Variants in JHY observed in about 807,000 individuals in gnomAD.
JHY encodes jhy protein homolog.
A neutral mutation model predicts 78.0 loss-of-function variants in JHY; 69 were observed. That is an observed-to-expected ratio of 0.88 (90% confidence interval 0.73 to 1.08). The LOEUF is 1.08. Among genes scored for constraint, JHY ranks in the 50% least tolerant of loss-of-function variants. The pLI, the probability that JHY is intolerant of heterozygous loss-of-function variation, is 0.00. For missense variants in JHY, 944 were observed against 927.8 expected (o/e 1.02, Z -0.23); for synonymous variants, 368 against 342.6 (o/e 1.07, Z -0.82).
At chr11:122,942,242 C>T (rs372256284) in intron 5 of JHY, among the ~76,000 whole-genome samples, 9 of 152,236 alleles carry the variant, frequency 5.9e-5, no homozygotes, top group African/African-American at 1.9e-4. Context: ...TTTATTTGTG[C>T]TTTCTCTCTC....
chr11:122,904,118 C>CA lies in JHY; in HGVS notation c.539dup (p.Lys181GlufsTer13). ...GGAACTCTCCGGGGGAAAAGGCGAGCAGAAAGAGAGTCCACAGAGTGCAGC... is the reference window on the plus strand; with the variant it reads ...GGAACTCTCCGGGGGAAAAGGCGAGCAAGAAAGAGAGTCCACAGAGTGCAGC... On this transcript the variant is annotated frameshift_variant, in exon 3 of 9. Coordinates refer to ENST00000227349, the MANE Select transcript of JHY (RefSeq NM_024806.4). LOFTEE classifies it high-confidence loss of function. 1 of 1,614,114 alleles carries CA rather than the reference C, an allele frequency of 6.2e-7. No homozygotes were observed. The highest frequency in any genetic ancestry group is 8.5e-7 in the Non-Finnish European group (1 of 1,180,030).
intron 6 of JHY, among the ~76,000 whole-genome samples, chr11:122,954,667 C>T (rs1864154917): frequency 6.6e-6 from 1 of 152,154 alleles, no homozygotes; most frequent in Admixed American, 6.6e-5. Flanking sequence ...CCTGTAATCC[C>T]AGCACTTTGG....
At chr11:122,894,924 A>C (rs1280448437) in intron 2 of JHY, among the ~76,000 whole-genome samples, 1 of 152,246 alleles carries the variant, frequency 6.6e-6, no homozygotes, top group African/African-American at 2.4e-5. Flanking sequence ...TTTTAGCAGA[A>C]TAAATGCCTG....
chr11:122,946,499 A>C lies in JHY; in HGVS notation c.1636A>C (p.Lys546Gln). Residue 546 changes from lysine to glutamine, a missense_variant and splice_region_variant, in exon 6 of 9, where the codon AAA becomes CAA. By Grantham distance (53) the Lys-to-Gln change is moderately conservative. Transcript: ENST00000227349. ...TKYRNLEMLW[K>Q]FHSSSDSQTV... Reference sequence around the variant, plus strand: ...TGTGCCTTTTTTTTTTTCATTAAGGAAATTCCATTCTTCTTCTGACAGCCA... The same window carrying C: ...TGTGCCTTTTTTTTTTTCATTAAGGCAATTCCATTCTTCTTCTGACAGCCA... 1 of 1,562,030 alleles carries C rather than the reference A, an allele frequency of 6.4e-7. No individual in the cohort carries two copies. Among genetic ancestry groups the C allele is most frequent in the Non-Finnish European group, 8.6e-7 (1 of 1,158,276 alleles).
intron 5 of JHY, among the ~76,000 whole-genome samples, chr11:122,937,713 A>G (rs1334334985): frequency 6.6e-6 from 1 of 152,018 alleles, no homozygotes; most frequent in East Asian, 1.9e-4. Flanking sequence ...CCATGCCCTC[A>G]TGGAGACCCT....
intron 3 of JHY, among the ~76,000 whole-genome samples, chr11:122,906,300 G>A (rs1270886786): frequency 6.6e-6 from 1 of 152,084 alleles, no homozygotes; most frequent in Admixed American, 6.5e-5. Flanking sequence ...CAATCCTCCT[G>A]CCTCAGCCTC....
At chr11:122,915,208 G>C (rs1289337402) in intron 3 of JHY, among the ~76,000 whole-genome samples, 1 of 152,172 alleles carries the variant, frequency 6.6e-6, no homozygotes, top group Admixed American at 6.5e-5. Context: ...CTGTAGTAAA[G>C]TAAAAAGCTA....
At chr11:122,909,232 CA>C (rs1241168543) in intron 3 of JHY, among the ~76,000 whole-genome samples, 2 of 152,120 alleles carry the variant, frequency 1.3e-5, no homozygotes, top group Non-Finnish European at 2.9e-5. Context: ...ACCCTGTGGG[CA>C]AAAAATACGG....
rs542050567 is a variant in JHY at position 122,960,954 on chromosome 11, C to T, written c.*1509C>T. ...TCATATATCTGTGCAGAACATGATGCGTTGAAAGGAACAAGAGCACATGAT... is the reference window on the plus strand; with the variant it reads ...TCATATATCTGTGCAGAACATGATGTGTTGAAAGGAACAAGAGCACATGAT... On this transcript the variant is annotated 3_prime_UTR_variant, in exon 9 of 9. Transcript: ENST00000227349. 1.5e-5 allele frequency: 11 copies of T among 732,910 alleles called. No individual in the cohort carries two copies. Among genetic ancestry groups the T allele is most frequent in the South Asian group, 5.4e-5 (4 of 74,066 alleles). 45.4% of individuals were successfully genotyped at this position (732,910 alleles called of 1,614,324 possible).
intron 6 of JHY, 32 bp from the exon 7 acceptor site, chr11:122,956,464 A>G: frequency 6.2e-7 from 1 of 1,606,286 alleles, no homozygotes; most frequent in Middle Eastern, 1.7e-4. Flanking sequence ...ACAAGTCCTT[A>G]AAAGAAACTG....
chr11:122,913,733 TCTC>T (rs1441545044), intron 3 of JHY, among the ~76,000 whole-genome samples: 4 of 152,082 alleles, frequency 2.6e-5, no homozygotes, highest in Non-Finnish European at 5.9e-5. Flanking sequence ...TTCCTGAACA[TCTC>T]CTGCAGAACC....
rs1304860382 is a variant in JHY, at chr11:122,961,221, T to C, written c.*1776T>C. 1 of 456,640 alleles carries C rather than the reference T, an allele frequency of 2.2e-6. No individual in the cohort carries two copies. Among genetic ancestry groups the C allele is most frequent in the Non-Finnish European group, 4.1e-6 (1 of 241,938 alleles). The allele number at this position is 456,640 out of a possible 1,614,324, so 28.3% of individuals were successfully genotyped here. Reference sequence around the variant, plus strand: ...ATATCTCCTAAAAATGAAACATTTGTTCCCTATACTGAGAGAACTCAATCT... The same window carrying C: ...ATATCTCCTAAAAATGAAACATTTGCTCCCTATACTGAGAGAACTCAATCT... On this transcript the variant is annotated 3_prime_UTR_variant, in exon 9 of 9. Coordinates refer to ENST00000227349, the MANE Select transcript of JHY (RefSeq NM_024806.4).
intron 3 of JHY, among the ~76,000 whole-genome samples, chr11:122,916,841 G>C (rs1863244696): frequency 6.6e-6 from 1 of 151,986 alleles, no homozygotes; most frequent in South Asian, 2.1e-4. Flanking sequence ...GTTTCGCCCG[G>C]CTGCTTTCAA....
At chr11:122,888,209 G>T (rs1442154200) in intron 2 of JHY, among the ~76,000 whole-genome samples, 1 of 152,182 alleles carries the variant, frequency 6.6e-6, no homozygotes, top group Non-Finnish European at 1.5e-5. Flanking sequence ...ATAGGACTAG[G>T]CTGGGAAAGC....
intron 3 of JHY, among the ~76,000 whole-genome samples, chr11:122,919,352 C>CAAA (rs72233254): frequency 3.6e-3 from 250 of 68,878 alleles, no homozygotes; most frequent in Middle Eastern, 0.016. Flanking sequence ...GACTCTGTCT[C>CAAA]AAAAAAAAAA....
chr11:122,954,744 C>T (rs1864155857), intron 6 of JHY, among the ~76,000 whole-genome samples: 1 of 152,152 alleles, frequency 6.6e-6, no homozygotes, highest in African/African-American at 2.4e-5. Flanking sequence ...ATGGTGAAAC[C>T]CCATCTCTAC....
At position 122,961,200 on chromosome 11, in the gene JHY, C is replaced by G. The variant is rs1864306908; in HGVS notation, c.*1755C>G. 2 of 483,542 alleles carry G rather than the reference C, an allele frequency of 4.1e-6. No homozygotes were observed. The highest frequency in any genetic ancestry group is 3.7e-5 in the East Asian group (1 of 27,082). The allele number at this position is 483,542 out of a possible 1,614,324, so 30.0% of individuals were successfully genotyped here. On this transcript the variant is annotated 3_prime_UTR_variant, in exon 9 of 9. Transcript: ENST00000227349. ...CTCTACTGAAGTAGATAGTTTATAT[C>G]TCCTAAAAATGAAACATTTGTTCCC... is the stretch of plus-strand genomic sequence containing the variant.
At chr11:122,932,029 G>A (rs1410455570) in intron 4 of JHY, among the ~76,000 whole-genome samples, 2 of 152,184 alleles carry the variant, frequency 1.3e-5, no homozygotes, top group Admixed American at 6.5e-5. Context: ...GCGACTGCGG[G>A]TGTTGGTAAC....
chr11:122,935,217 T>G lies in JHY; in HGVS notation c.1634+142T>G. ...GTTCACCTAACAACTTCCTTAGCTC[T>G]GATTCCTGCCTCAAAGAGTCCACTT... On this transcript the variant is annotated intron_variant, in intron 5 of 8. Coordinates refer to ENST00000227349, the MANE Select transcript of JHY (RefSeq NM_024806.4). The surrounding 1 kb of genome is among the most constrained non-coding windows in gnomAD (Gnocchi z 4.5). 1.5e-6 allele frequency: 1 copy of G among 680,758 alleles called. No homozygotes were observed. The highest frequency in any genetic ancestry group is 2.3e-6 in the Non-Finnish European group (1 of 436,612). 42.2% of individuals were successfully genotyped at this position (680,758 alleles called of 1,614,324 possible).
Sources: allele counts gnomAD v4.1 joint callset (sites outside exome capture counted in the v4.1 genomes callset), GRCh38; gene constraint gnomAD v4.1.1; non-coding constraint Gnocchi (gnomAD v3.1); transcripts MANE v1.5; gene names NCBI Gene and HGNC (gene_info 2026-07-23, HGNC 2026-07-21).